The following AMPH variants were observed in gnomAD, a reference collection of about 807,000 sequenced individuals.
AMPH encodes amphiphysin (Stiff-Mann syndrome with breast cancer 128kD autoantigen).
Under a neutral mutation model 99.1 loss-of-function variants are expected in AMPH, and 49 were observed. The ratio of observed to expected loss-of-function variants is 0.49; its 90% confidence interval spans 0.39 to 0.63. The LOEUF (loss-of-function observed/expected upper bound fraction) is 0.63, where lower values mean the gene tolerates loss of function less well. AMPH is among the 20% of genes least tolerant of loss of function. AMPH has a pLI of 0.00. For missense variants in AMPH, 759 were observed against 863.4 expected (o/e 0.88, Z 1.52); for synonymous variants, 314 against 317.3 (o/e 0.99, Z 0.11).
At chr7:38,566,010 A>G (rs1435425328) in intron 1 of AMPH, among the ~76,000 whole-genome samples, 5 of 152,122 alleles carry the variant, frequency 3.3e-5, no homozygotes, top group Non-Finnish European at 5.9e-5. Flanking sequence ...AACAGGGACC[A>G]CCTTTAGAAG....
Position 38,580,250 on chromosome 7 carries a change from T to C in AMPH, c.70-45239A>G, listed in dbSNP as rs539634000. On this transcript the variant is annotated intron_variant, in intron 1 of 20. Transcript: ENST00000356264. ...TATAAATAGTAAAGCTTCATTATTA[T>C]ATTCCTGAATTCCCCCAGTGAGATG... Among the ~76,000 whole-genome samples the C allele has an allele frequency of 2.0e-5, 3 of 152,320 alleles. No individual in the cohort carries two copies. The South Asian group carries it at 6.2e-4, about 32-fold the overall frequency.
At chr7:38,453,505 G>A (rs193077635) in intron 11 of AMPH, among the ~76,000 whole-genome samples, 3 of 152,272 alleles carry the variant, frequency 2.0e-5, no homozygotes, top group Non-Finnish European at 4.4e-5. Flanking sequence ...CAGCAAAAGC[G>A]AATGCTCTTT....
At chr7:38,600,635 A>C (rs1177822966) in intron 1 of AMPH, among the ~76,000 whole-genome samples, 1 of 152,216 alleles carries the variant, frequency 6.6e-6, no homozygotes, top group Non-Finnish European at 1.5e-5. Context: ...AAAGTATGGT[A>C]ATTTTCTATT....
chr7:38,503,907 G>C (rs1194281880), intron 2 of AMPH, among the ~76,000 whole-genome samples: 1 of 152,170 alleles, frequency 6.6e-6, no homozygotes, highest in Non-Finnish European at 1.5e-5. Flanking sequence ...AAGAGCAAAA[G>C]GAGAAGGCAA....
At chr7:38,494,380 G>GGTGGA (rs1788844681) in intron 4 of AMPH, 53 bp downstream of exon 4, 2 of 1,456,386 alleles carry the variant, frequency 1.4e-6, no homozygotes, top group African/African-American at 2.8e-5. Flanking sequence ...TCAGGGGACA[G>GGTGGA]GTGGACTGAG....
chr7:38,548,952 A>G (rs1270140011), intron 1 of AMPH, among the ~76,000 whole-genome samples: 1 of 152,272 alleles, frequency 6.6e-6, no homozygotes, highest in Admixed American at 6.5e-5. Context: ...TGGATCCTCC[A>G]TGTTGAACAT....
chr7:38,527,652 G>A (rs1790237308), intron 2 of AMPH, among the ~76,000 whole-genome samples: 1 of 152,146 alleles, frequency 6.6e-6, no homozygotes, highest in Non-Finnish European at 1.5e-5. Flanking sequence ...TTGACGTCTT[G>A]GGATTTTCTA....
At chr7:38,475,251 A>T (rs35367242) in intron 7 of AMPH, 80 bp downstream of exon 7, 54,224 of 910,494 alleles carry the variant, frequency 0.06, 1,897 homozygotes, top group South Asian at 0.1. Flanking sequence ...TCACAGTAAT[A>T]ATAAAGACAA....
In AMPH at chr7:38,580,658, GGATGATGATGAT is replaced by G. The variant is rs60977723; in HGVS notation, c.70-45659_70-45648del. ...GAGGATGAGAAGTCCAAGAGATATG[GGATGATGATGAT>G]GATGATGATGATGATGATGATGATG... On this transcript the variant is annotated intron_variant, in intron 1 of 20. Coordinates refer to ENST00000356264, the MANE Select transcript of AMPH (RefSeq NM_001635.4). 5.1e-3 allele frequency among the ~76,000 whole-genome samples: 768 copies of G among 149,476 alleles called. 9 individuals are homozygous for G. Among genetic ancestry groups the G allele is most frequent in the African/African-American group, 0.016 (659 of 40,420 alleles).
chr7:38,415,472 C>T (rs1038387539), intron 17 of AMPH, among the ~76,000 whole-genome samples: 14 of 152,144 alleles, frequency 9.2e-5, no homozygotes, highest in Admixed American at 1.3e-4. Flanking sequence ...CTAAATACCA[C>T]GTATCTAGCA....
chr7:38,486,897 C>A (rs957304169), intron 5 of AMPH, among the ~76,000 whole-genome samples: 7 of 151,992 alleles, frequency 4.6e-5, no homozygotes, highest in East Asian at 3.9e-4. Context: ...ATAAAATGCT[C>A]AGCAAACTAG....
At chr7:38,556,598 T>C (rs1022051403) in intron 1 of AMPH, among the ~76,000 whole-genome samples, 1 of 152,196 alleles carries the variant, frequency 6.6e-6, no homozygotes, top group African/African-American at 2.4e-5. Context: ...GAAAAGGTGC[T>C]TCTGGCAAAG....
chr7:38,475,208 T>C, intron 7 of AMPH, 123 bp downstream of exon 7: 1 of 656,244 alleles, frequency 1.5e-6, no homozygotes, highest in Non-Finnish European at 2.6e-6. Flanking sequence ...AAAGCGCAGA[T>C]AAAGAACACT....
At chr7:38,484,841 A>G (rs1187713107) in intron 5 of AMPH, among the ~76,000 whole-genome samples, 1 of 151,968 alleles carries the variant, frequency 6.6e-6, no homozygotes, top group African/African-American at 2.4e-5. Context: ...GACAATATAA[A>G]GTATACATGT....
intron 1 of AMPH, among the ~76,000 whole-genome samples, chr7:38,549,866 G>T (rs1006742787): frequency 6.6e-6 from 1 of 152,070 alleles, no homozygotes; most frequent in African/African-American, 2.4e-5. Flanking sequence ...CTTATTATAT[G>T]AAATAATATG....
At chr7:38,433,056 T>G (rs897267325) in intron 12 of AMPH, among the ~76,000 whole-genome samples, 2 of 152,230 alleles carry the variant, frequency 1.3e-5, no homozygotes, top group Admixed American at 6.5e-5. Context: ...GTGACTAGAA[T>G]GGATCCACGT....
intron 13 of AMPH, among the ~76,000 whole-genome samples, chr7:38,431,732 G>A (rs896266973): frequency 2.6e-5 from 4 of 151,806 alleles, no homozygotes; most frequent in Non-Finnish European, 5.9e-5. Flanking sequence ...AAAATCCAGG[G>A]CTATCTGGCT....
At chr7:38,518,875 G>A (rs1789848633) in intron 2 of AMPH, among the ~76,000 whole-genome samples, 1 of 152,190 alleles carries the variant, frequency 6.6e-6, no homozygotes, top group Non-Finnish European at 1.5e-5. Context: ...GAATTCTATG[G>A]TTTGAACATC....
intron 1 of AMPH, among the ~76,000 whole-genome samples, chr7:38,581,716 T>C (rs1024804806): frequency 1.3e-5 from 2 of 152,072 alleles, no homozygotes; most frequent in African/African-American, 4.8e-5. Flanking sequence ...GTGTTGGTAG[T>C]AGTGGAGGTG....
Sources: allele counts gnomAD v4.1 joint callset (sites outside exome capture counted in the v4.1 genomes callset), GRCh38; gene constraint gnomAD v4.1.1; transcripts MANE v1.5; gene names NCBI Gene and HGNC (gene_info 2026-07-23, HGNC 2026-07-21).